CSMD1: variants seen among roughly 807,000 people sequenced by gnomAD.
CSMD1 encodes the protein CUB and sushi domain-containing protein 1.
A neutral mutation model predicts 417.5 loss-of-function variants in CSMD1; 213 were observed. That is an observed-to-expected ratio of 0.51 (90% CI 0.46 to 0.57). The LOEUF is 0.57. CSMD1 is among the 20% of genes least tolerant of loss of function. CSMD1 has a pLI of 0.00. For synonymous variants in CSMD1, 2,862 were observed against 1,736.8 expected, an observed-to-expected ratio of 1.65 and a Z score of -16.11; for missense variants, 6,923 against 4,529.7, an observed-to-expected ratio of 1.53 and a Z score of -15.17.
Position 3,284,357 on chromosome 8 carries a change from G to T in CSMD1, c.3951-11C>A, listed in dbSNP as rs982958891. 3.4e-5 allele frequency: 54 copies of T among 1,602,372 alleles called. No individual in the cohort carries two copies. Among genetic ancestry groups the T allele is most frequent in the Non-Finnish European group, 4.6e-5 (54 of 1,170,706 alleles). On this transcript the variant is annotated splice_polypyrimidine_tract_variant and intron_variant, in intron 25 of 69. Coordinates refer to ENST00000635120, the MANE Select transcript of CSMD1 (RefSeq NM_033225.6). ...ACAATGAAATGGAGGCTGCAAGAGAGAACACAGTAGCGCTACTTGCCGTGC... is the reference window on the plus strand; with the variant it reads ...ACAATGAAATGGAGGCTGCAAGAGATAACACAGTAGCGCTACTTGCCGTGC...
intron 55 of CSMD1, among the ~76,000 whole-genome samples, chr8:2,975,534 C>A (rs920215276): frequency 6.6e-6 from 1 of 152,140 alleles, no homozygotes; most frequent in Non-Finnish European, 1.5e-5. Context: ...TGGCCATCCC[C>A]TGAGTCATAT....
At chr8:4,041,902 T>C (rs889361543) in intron 3 of CSMD1, among the ~76,000 whole-genome samples, 1 of 152,146 alleles carries the variant, frequency 6.6e-6, no homozygotes, top group Non-Finnish European at 1.5e-5. Flanking sequence ...AGAATAGATA[T>C]AGCAGAAGGT....
intron 1 of CSMD1, among the ~76,000 whole-genome samples, chr8:4,928,091 T>G (rs1806992307): frequency 6.6e-6 from 1 of 152,158 alleles, no homozygotes; most frequent in South Asian, 2.1e-4. Flanking sequence ...AGCTCCATTC[T>G]TAGCCCTCAT....
intron 5 of CSMD1, among the ~76,000 whole-genome samples, chr8:3,868,260 C>G (rs1164559227): frequency 6.6e-6 from 1 of 152,076 alleles, no homozygotes; most frequent in Non-Finnish European, 1.5e-5. Context: ...ACTTTATGAC[C>G]ATTGCTCTGA....
intron 3 of CSMD1, among the ~76,000 whole-genome samples, chr8:4,395,418 A>G (rs1804133367): frequency 6.6e-6 from 1 of 151,236 alleles, no homozygotes; most frequent in African/African-American, 2.5e-5. Context: ...CTAAAGAATC[A>G]TAAAAAAAAC....
intron 3 of CSMD1, among the ~76,000 whole-genome samples, chr8:4,163,918 G>A (rs1241184804): frequency 1.3e-5 from 2 of 152,160 alleles, no homozygotes; most frequent in East Asian, 3.9e-4. Flanking sequence ...CTCGTTAGGT[G>A]ACTTTCCATC....
In CSMD1 at chr8:4,575,694, T is replaced by C. The variant is rs1334623937; in HGVS notation, c.302+61648A>G. Among the ~76,000 whole-genome samples the C allele has an allele frequency of 2.6e-5, 4 of 152,344 alleles. No homozygotes were observed. In the South Asian group the frequency reaches 8.3e-4, roughly 32 times the overall value. On this transcript the variant is annotated intron_variant, in intron 2 of 69. Coordinates refer to ENST00000635120, the MANE Select transcript of CSMD1 (RefSeq NM_033225.6). The stretch of plus-strand genomic sequence containing the variant: ...CTAAATACAGGCAACATTTTGAAGA[T>C]TTAAAATATGTTAATAAATTTACAT...
chr8:4,441,269 T>C (rs1056938676), intron 2 of CSMD1, among the ~76,000 whole-genome samples: 1 of 139,400 alleles, frequency 7.2e-6, no homozygotes, highest in African/African-American at 2.6e-5. Context: ...AGTTTTTTTT[T>C]TTTTTTTTTT....
chr8:3,408,489 T>G (rs565268064), intron 13 of CSMD1, among the ~76,000 whole-genome samples: 1 of 150,776 alleles, frequency 6.6e-6, no homozygotes, highest in Non-Finnish European at 1.5e-5. Context: ...CCTTTCCAGT[T>G]GACTGAAAAC....
intron 18 of CSMD1, among the ~76,000 whole-genome samples, chr8:3,375,896 T>C (rs1303589917): frequency 1.3e-5 from 2 of 152,174 alleles, no homozygotes; most frequent in African/African-American, 4.8e-5. Flanking sequence ...TTTATAACCA[T>C]TTCTTCACGT....
In CSMD1 at chr8:4,929,844, G is replaced by T. The variant is rs1023829019; in HGVS notation, c.85+64488C>A. On this transcript the variant is annotated intron_variant, in intron 1 of 69. Transcript: ENST00000635120. ...CCTCACTGCCAAAAACATCCCCATT[G>T]GCAAATTTAAGTTTTTACAAAGGCA... Among the ~76,000 whole-genome samples, 12 of 152,210 alleles carry T rather than the reference G, an allele frequency of 7.9e-5. No homozygotes were observed. In the East Asian group the frequency reaches 1.5e-3, roughly 20 times the overall value.
chr8:3,314,048 C>G (rs1361875074), intron 23 of CSMD1, among the ~76,000 whole-genome samples: 1 of 151,758 alleles, frequency 6.6e-6, no homozygotes, highest in Non-Finnish European at 1.5e-5. Context: ...CATGTTCTCA[C>G]TCATAGGTGG....
At chr8:3,825,955 G>A (rs992367322) in intron 5 of CSMD1, among the ~76,000 whole-genome samples, 3 of 152,140 alleles carry the variant, frequency 2.0e-5, no homozygotes, top group Admixed American at 1.3e-4. Flanking sequence ...AAGATTAAAT[G>A]CATCGTTTTA....
At chr8:4,915,147 A>C (rs1450740706) in intron 1 of CSMD1, among the ~76,000 whole-genome samples, 1 of 152,142 alleles carries the variant, frequency 6.6e-6, no homozygotes, top group African/African-American at 2.4e-5. Context: ...AAAATGGAAT[A>C]CGCATGCTTA....
chr8:4,070,514 C>T (rs546590478), intron 3 of CSMD1, among the ~76,000 whole-genome samples: 24 of 152,234 alleles, frequency 1.6e-4, no homozygotes, highest in South Asian at 6.2e-4. Flanking sequence ...CCCGCCACCA[C>T]GGCCGGCTAT....
chr8:4,053,739 G>C (rs556067847), intron 3 of CSMD1, among the ~76,000 whole-genome samples: 2 of 152,070 alleles, frequency 1.3e-5, no homozygotes, highest in Admixed American at 6.6e-5. Flanking sequence ...CTGGCTTCTT[G>C]AATTTCCTCT....
At chr8:4,838,465 CT>C (rs1800632320) in intron 1 of CSMD1, among the ~76,000 whole-genome samples, 4 of 152,190 alleles carry the variant, frequency 2.6e-5, no homozygotes, top group Admixed American at 6.5e-5. Context: ...AGAAACTGCC[CT>C]GATGAAGATG....
chr8:4,217,239 C>G (rs565554805), intron 3 of CSMD1, among the ~76,000 whole-genome samples: 1 of 152,302 alleles, frequency 6.6e-6, no homozygotes, highest in East Asian at 1.9e-4. Context: ...AAAAATGCTT[C>G]TATCTAGATA....
intron 25 of CSMD1, among the ~76,000 whole-genome samples, chr8:3,302,182 A>C (rs1203376976): frequency 1.3e-5 from 2 of 152,192 alleles, no homozygotes; most frequent in African/African-American, 4.8e-5. Flanking sequence ...AGGAGTTGGG[A>C]ACACGTGATG....
Sources: allele counts gnomAD v4.1 joint callset (sites outside exome capture counted in the v4.1 genomes callset), GRCh38; gene constraint gnomAD v4.1.1; transcripts MANE v1.5; gene names NCBI Gene and HGNC (gene_info 2026-07-23, HGNC 2026-07-21).